Variants in KCNN2 observed in about 807,000 individuals in gnomAD.
KCNN2 encodes small conductance calcium-activated potassium channel protein 2.
KCNN2 carries 24 observed loss-of-function variants against 55.5 expected under a neutral mutation model. The observed-to-expected ratio is 0.43, with a 90% CI of 0.31 to 0.61. The LOEUF (loss-of-function observed/expected upper bound fraction) is 0.61, where lower values mean the gene tolerates loss of function less well. KCNN2 is among the 20% of genes least tolerant of loss of function. The probability of loss-of-function intolerance (pLI) is 0.08; values close to 1 mark genes in which losing one functional copy is unlikely to be tolerated. For synonymous variants in KCNN2, 431 were observed against 336.1 expected, an observed-to-expected ratio of 1.28 and a Z score of -3.09; for missense variants, 754 against 853.6, an observed-to-expected ratio of 0.88 and a Z score of 1.45.
intron 2 of KCNN2, among the ~76,000 whole-genome samples, chr5:114,252,067 G>A (rs779061552): frequency 7.3e-5 from 11 of 151,330 alleles, no homozygotes; most frequent in South Asian, 2.1e-4. Context: ...TAGTAGAGAC[G>A]TGGTTTCACC....
At chr5:114,368,182 C>G (rs1459321107) in intron 2 of KCNN2, among the ~76,000 whole-genome samples, 1 of 152,058 alleles carries the variant, frequency 6.6e-6, no homozygotes, top group East Asian at 1.9e-4. Context: ...TTGCAAAGTG[C>G]TGAAAATCTT....
At chr5:114,068,462 C>T (rs1237966565) in intron 1 of KCNN2, among the ~76,000 whole-genome samples, 1 of 152,234 alleles carries the variant, frequency 6.6e-6, no homozygotes, top group Non-Finnish European at 1.5e-5. Flanking sequence ...GCCCTGTCTA[C>T]ACCTTGGCCT....
intron 3 of KCNN2, among the ~76,000 whole-genome samples, chr5:114,413,688 G>C (rs551485997): frequency 6.6e-6 from 1 of 152,184 alleles, no homozygotes; most frequent in African/African-American, 2.4e-5. Context: ...AAAGAATGCA[G>C]ATTGAAAATA....
chr5:114,281,110 A>G (rs917190802), intron 2 of KCNN2, among the ~76,000 whole-genome samples: 1 of 152,054 alleles, frequency 6.6e-6, no homozygotes, highest in African/African-American at 2.4e-5. Context: ...TACCTCATCC[A>G]TTGCTCTTTG....
intron 2 of KCNN2, among the ~76,000 whole-genome samples, chr5:114,336,970 A>G (rs1756933805): frequency 6.6e-6 from 1 of 152,206 alleles, no homozygotes; most frequent in Admixed American, 6.5e-5. Flanking sequence ...TAAGTTTGAT[A>G]GGAAGCCATG....
chr5:114,216,910 A>G (rs1754017773), intron 1 of KCNN2, among the ~76,000 whole-genome samples: 1 of 152,178 alleles, frequency 6.6e-6, no homozygotes, highest in South Asian at 2.1e-4. Context: ...CAATTATAGC[A>G]AGGTTGCAGG....
At chr5:114,443,756 T>C (rs1398446901) in intron 3 of KCNN2, among the ~76,000 whole-genome samples, 1 of 152,214 alleles carries the variant, frequency 6.6e-6, no homozygotes, top group Non-Finnish European at 1.5e-5. Flanking sequence ...TGGCAAGTAT[T>C]GAAATCTATA....
chr5:114,383,811 C>G (rs973405201), intron 2 of KCNN2, among the ~76,000 whole-genome samples: 1 of 152,108 alleles, frequency 6.6e-6, no homozygotes, highest in African/African-American at 2.4e-5. Context: ...ACAAAGGCCA[C>G]CAACATGACT....
intron 1 of KCNN2, among the ~76,000 whole-genome samples, chr5:114,062,096 G>C (rs1750344834): frequency 6.7e-6 from 1 of 149,030 alleles, no homozygotes; most frequent in Non-Finnish European, 1.5e-5. Context: ...AAGATATATG[G>C]GTTCTTTTTT....
intron 2 of KCNN2, among the ~76,000 whole-genome samples, chr5:114,391,782 G>T (rs868450368): frequency 1.3e-5 from 2 of 152,134 alleles, no homozygotes; most frequent in Non-Finnish European, 2.9e-5. Context: ...AGCTGCTCAA[G>T]TAACAGAAAA....
intron 1 of KCNN2, among the ~76,000 whole-genome samples, chr5:114,074,198 A>G (rs1379655231): frequency 6.6e-6 from 1 of 152,138 alleles, no homozygotes; most frequent in African/African-American, 2.4e-5. Context: ...GATGGGATCT[A>G]TCTTGAGAGT....
intron 2 of KCNN2, among the ~76,000 whole-genome samples, chr5:114,350,514 T>C (rs894782871): frequency 9.2e-5 from 14 of 151,936 alleles, no homozygotes; most frequent in Admixed American, 7.2e-4. Flanking sequence ...CTTTTAGTAT[T>C]ATATCTAAAA....
intron 1 of KCNN2, among the ~76,000 whole-genome samples, chr5:114,060,927 C>T (rs1281309205): frequency 2.0e-5 from 3 of 152,208 alleles, no homozygotes; most frequent in Non-Finnish European, 2.9e-5. Flanking sequence ...TCAGTAGGGC[C>T]AGTGCTCTGG....
At position 114,087,916 on chromosome 5, in the gene KCNN2, A is replaced by G. The variant is rs187022721; in HGVS notation, c.-271+31416A>G. On this transcript the variant is annotated intron_variant, in intron 1 of 10. Transcript: ENST00000512097. ...ATTTTCCTCTCTAATTCCTTATGCT[A>G]TTCTCAACTGTATATTTTATTTCTA... 3.1e-3 allele frequency among the ~76,000 whole-genome samples: 479 copies of G among 152,128 alleles called. 1 individual carries two copies. The highest frequency in any genetic ancestry group is 5.9e-3 in the Non-Finnish European group (398 of 67,994).
chr5:114,282,887 A>G (rs1420203915), intron 2 of KCNN2, among the ~76,000 whole-genome samples: 1 of 152,186 alleles, frequency 6.6e-6, no homozygotes, highest in African/African-American at 2.4e-5. Context: ...TTCTTAAATA[A>G]ATGTTTATAC....
At chr5:114,255,601 G>T (rs1754965947) in intron 2 of KCNN2, among the ~76,000 whole-genome samples, 1 of 152,126 alleles carries the variant, frequency 6.6e-6, no homozygotes, top group South Asian at 2.1e-4. Flanking sequence ...TATCTTATAG[G>T]TAGAGAGGAA....
intron 2 of KCNN2, among the ~76,000 whole-genome samples, chr5:114,261,558 C>A (rs1470281107): frequency 1.3e-5 from 2 of 152,158 alleles, no homozygotes; most frequent in Non-Finnish European, 2.9e-5. Flanking sequence ...CTTAAGGGAA[C>A]AGGATATATG....
chr5:114,272,455 T>C (rs550129613), intron 2 of KCNN2, among the ~76,000 whole-genome samples: 323 of 10,934 alleles, frequency 0.03, 24 homozygotes, highest in African/African-American at 0.035. Context: ...CACATATGTA[T>C]GTACATATCA....
In KCNN2 at chr5:114,496,319, A is replaced by G; in HGVS notation, c.*137A>G. On this transcript the variant is annotated 3_prime_UTR_variant, in exon 8 of 8. Coordinates refer to ENST00000673685, the MANE Select transcript of KCNN2 (RefSeq NM_021614.4). ...CAGAATCCTGGGAACCTGAACACTA[A>G]GTTTTAGGCCAAAATGAGTGAAAAC... 1.1e-6 allele frequency: 1 copy of G among 906,696 alleles called. No homozygotes were observed. Among genetic ancestry groups the G allele is most frequent in the Non-Finnish European group, 1.6e-6 (1 of 616,290 alleles). The allele number at this position is 906,696 out of a possible 1,614,324, so 56.2% of individuals were successfully genotyped here. A position where few individuals can be genotyped will look rare whatever the true frequency, so the allele number is the denominator to read the frequency against.
Sources: allele counts gnomAD v4.1 joint callset (sites outside exome capture counted in the v4.1 genomes callset), GRCh38; gene constraint gnomAD v4.1.1; transcripts MANE v1.5; gene names NCBI Gene and HGNC (gene_info 2026-07-23, HGNC 2026-07-21).